UNC13B: variants seen among roughly 807,000 people sequenced by gnomAD.
UNC13B encodes the protein unc-13 homolog B, also known as protein unc-13 homolog B.
In UNC13B, 144 loss-of-function variants were observed where a neutral mutation model predicts 211.0. The observed-to-expected ratio is 0.68, with a 90% CI of 0.60 to 0.78. The LOEUF (loss-of-function observed/expected upper bound fraction) is 0.78, where lower values mean the gene tolerates loss of function less well. Ranked by LOEUF, UNC13B falls within the 30% of genes least tolerant of loss-of-function variation. UNC13B has a pLI of 0.00. For missense variants in UNC13B, 1,777 were observed against 2,002.0 expected, an observed-to-expected ratio of 0.89 and a Z score of 2.14; for synonymous variants, 709 against 725.8, an observed-to-expected ratio of 0.98 and a Z score of 0.37.
At chr9:35,206,817 T>A (rs375173512) in intron 1 of UNC13B, among the ~76,000 whole-genome samples, 1 of 146,770 alleles carries the variant, frequency 6.8e-6, no homozygotes, top group Non-Finnish European at 1.5e-5. Context: ...GAGTTTGCAG[T>A]GAGCTGAGAT....
chr9:35,311,315 G>A (rs1171275499), intron 10 of UNC13B, among the ~76,000 whole-genome samples: 1 of 152,180 alleles, frequency 6.6e-6, no homozygotes, highest in Non-Finnish European at 1.5e-5. Context: ...GTGTACCAGG[G>A]CTTCTTGAGT....
rs780450534 is a variant in UNC13B at position 35,375,199 on chromosome 9, C to A, written c.9613C>A (p.Leu3205Met). The change falls in exon 14 of 40, where the codon CTG becomes ATG. Residue 3205 changes from leucine to methionine, a missense_variant and splice_region_variant. Transcript: ENST00000635942. ...ACGCACTTCTCTTAAGGACGAAGAG[C>A]TGGTAAGTGTCCCAAGTGCTTTCGT... is the stretch of plus-strand genomic sequence containing the variant. ...ATRTSLKDEE[L>M]KSHVYKKTLQ... The A allele has an allele frequency of 4.3e-6, 7 of 1,614,064 alleles. No homozygotes were observed. Among genetic ancestry groups the A allele is most frequent in the Non-Finnish European group, 5.1e-6 (6 of 1,179,932 alleles).
rs150960215 is a variant in UNC13B at position 35,310,526 on chromosome 9, T to C, written c.9068T>C (p.Leu3023Pro). ...AATGTGAGTCAAGGAAGCTCTCAGCTAAGTGAACTAGACCAGTATCACGAA... is the reference window on the plus strand; with the variant it reads ...AATGTGAGTCAAGGAAGCTCTCAGCCAAGTGAACTAGACCAGTATCACGAA... ...SCNVSQGSSQ[L>P]SELDQYHEQD... The change falls in exon 10 of 40, where the codon CTA becomes CCA. Residue 3023 changes from leucine (L) to proline (P), a missense_variant. Leu to Pro is a moderately conservative substitution (Grantham distance 98). Transcript: ENST00000635942. The C allele has an allele frequency of 3.0e-5, 49 of 1,614,016 alleles. No homozygotes were observed. Among genetic ancestry groups the C allele is most frequent in the Non-Finnish European group, 4.1e-5 (48 of 1,180,018 alleles).
chr9:35,370,234 G>C (rs1232612230), intron 12 of UNC13B, 84 bp from the exon 13 acceptor site: 2 of 1,150,520 alleles, frequency 1.7e-6, no homozygotes, highest in Non-Finnish European at 2.6e-6. Flanking sequence ...TGGGGAGAGG[G>C]AGAGCAAGGT....
Position 35,237,843 on chromosome 9 carries a change from A to C in UNC13B, c.394+17A>C. On this transcript the variant is annotated intron_variant, in intron 5 of 39. Transcript: ENST00000635942. Reference sequence around the variant, plus strand: ...TGCCTTTTGGTGAGTAAAATTTTAAAACTATTTAATAATTTTTACCATATT... The same window carrying C: ...TGCCTTTTGGTGAGTAAAATTTTAACACTATTTAATAATTTTTACCATATT... 6.3e-7 allele frequency: 1 copy of C among 1,591,774 alleles called. No individual in the cohort carries two copies. The highest frequency in any genetic ancestry group is 8.5e-7 in the Non-Finnish European group (1 of 1,172,460).
At chr9:35,263,786 T>G (rs1199232757) in intron 7 of UNC13B, among the ~76,000 whole-genome samples, 1 of 152,068 alleles carries the variant, frequency 6.6e-6, no homozygotes, top group East Asian at 1.9e-4. Flanking sequence ...GGTGCCCTCA[T>G]AAGAAGAAGA....
At chr9:35,195,536 T>A (rs1822887887) in intron 1 of UNC13B, among the ~76,000 whole-genome samples, 1 of 152,188 alleles carries the variant, frequency 6.6e-6, no homozygotes, top group Admixed American at 6.5e-5. Flanking sequence ...TTGATTGAGA[T>A]CTGTCTCAGA....
intron 22 of UNC13B, chr9:35,384,976 AG>A (rs1356310281): frequency 6.0e-5 from 56 of 938,230 alleles, no homozygotes; most frequent in Non-Finnish European, 7.0e-5. Flanking sequence ...AAAGTCAAAA[AG>A]AAATGAGGTT....
intron 6 of UNC13B, among the ~76,000 whole-genome samples, chr9:35,254,079 A>G (rs1286998039): frequency 6.6e-6 from 1 of 152,196 alleles, no homozygotes; most frequent in Non-Finnish European, 1.5e-5. Flanking sequence ...ATCAGGTACC[A>G]TGCACTATTC....
At chr9:35,363,261 A>G (rs1036708936) in intron 11 of UNC13B, among the ~76,000 whole-genome samples, 1 of 152,214 alleles carries the variant, frequency 6.6e-6, no homozygotes, top group Non-Finnish European at 1.5e-5. Context: ...TGTGGAGAAC[A>G]GAAGGACACA....
In UNC13B at chr9:35,352,646, C is replaced by T. The variant is rs1319667962; in HGVS notation, c.9415-14301C>T. ...GCACCAGGCCCCTGAGCAGCAAGGCCCTTGCTTTCTACTCAAGAACAATTT... is the reference window on the plus strand; with the variant it reads ...GCACCAGGCCCCTGAGCAGCAAGGCTCTTGCTTTCTACTCAAGAACAATTT... On this transcript the variant is annotated intron_variant, in intron 11 of 39. Transcript: ENST00000635942. 5 of 1,231,894 alleles carry T rather than the reference C, an allele frequency of 4.1e-6. No homozygotes were observed. The African/African-American group carries it at 4.7e-5, about 11-fold the overall frequency. 76.3% of individuals were successfully genotyped at this position (1,231,894 alleles called of 1,614,324 possible).
At chr9:35,276,865 C>T (rs1249811414) in intron 7 of UNC13B, among the ~76,000 whole-genome samples, 1 of 152,066 alleles carries the variant, frequency 6.6e-6, no homozygotes, top group Non-Finnish European at 1.5e-5. Flanking sequence ...CCAAATTGTT[C>T]TTTTTGTCTG....
At chr9:35,313,801 A>G (rs1830311867) in intron 10 of UNC13B, 98 bp from the exon 11 acceptor site, 1 of 972,282 alleles carries the variant, frequency 1.0e-6, no homozygotes, top group African/African-American at 1.6e-5. Context: ...GCATGAGTAC[A>G]AACCATTTTA....
chr9:35,403,608 C>T lies in UNC13B; in HGVS notation c.12737+9C>T, dbSNP rs201914729. ...AATGAGACATTCCACTTGTAAGTTA[C>T]GGGGGGGACATACAGGACTCTGGGA... On this transcript the variant is annotated intron_variant, in intron 39 of 39. Transcript: ENST00000635942. 1.4e-5 allele frequency: 18 copies of T among 1,292,192 alleles called. No homozygotes were observed. In the African/African-American group the frequency reaches 1.4e-4, roughly 10 times the overall value. 80.0% of individuals were successfully genotyped at this position (1,292,192 alleles called of 1,614,324 possible).
chr9:35,327,636 AG>A (rs2131944123), intron 11 of UNC13B, among the ~76,000 whole-genome samples: 1 of 152,310 alleles, frequency 6.6e-6, no homozygotes, highest in African/African-American at 2.4e-5. Context: ...TTCCTCTCCC[AG>A]TCCACCAACT....
At chr9:35,261,281 G>A (rs1333771735) in intron 7 of UNC13B, among the ~76,000 whole-genome samples, 2 of 151,962 alleles carry the variant, frequency 1.3e-5, no homozygotes, top group African/African-American at 2.4e-5. Context: ...TTGAATATAA[G>A]CTGCACATGC....
chr9:35,206,361 A>G (rs1455850397), intron 1 of UNC13B, among the ~76,000 whole-genome samples: 2 of 152,082 alleles, frequency 1.3e-5, no homozygotes, highest in East Asian at 1.9e-4. Context: ...AAAAATACCC[A>G]TACACATTAA....
intron 11 of UNC13B, chr9:35,352,059 C>T (rs563697020): frequency 1.6e-6 from 2 of 1,232,198 alleles, no homozygotes; most frequent in African/African-American, 1.5e-5. Flanking sequence ...GATGAAGTCT[C>T]TAGCTGTGTA....
chr9:35,222,502 ATAAATAT>A (rs1564076635), intron 1 of UNC13B, among the ~76,000 whole-genome samples: 1 of 152,202 alleles, frequency 6.6e-6, no homozygotes, highest in Non-Finnish European at 1.5e-5. Flanking sequence ...CAAGCAAGAT[ATAAATAT>A]TCAGAGAAAG....
Sources: gnomAD v4.1 joint callset for allele counts (sites outside exome capture counted in the v4.1 genomes callset) on GRCh38, gnomAD v4.1.1 for gene constraint, MANE v1.5 for transcripts, NCBI Gene and HGNC (gene_info 2026-07-23, HGNC 2026-07-21) for gene names.